CELF2: variants seen among roughly 807,000 people sequenced by gnomAD.
The protein encoded by CELF2 is CUGBP Elav-like family member 2, also known as CUG triplet repeat RNA-binding protein 2.
In CELF2, 8 loss-of-function variants were observed where a neutral mutation model predicts 62.6. That is an observed-to-expected ratio of 0.13 (90% CI 0.07 to 0.23). The LOEUF is 0.23. Among genes scored for constraint, CELF2 ranks in the 10% least tolerant of loss-of-function variants. The pLI is 1.00. For synonymous variants in CELF2, 258 were observed against 250.0 expected (o/e 1.03, Z -0.30); for missense variants, 333 against 671.0 (o/e 0.50, Z 5.56).
In CELF2 at chr10:11,319,486, T is replaced by C. The variant is rs1280907367; in HGVS notation, c.1097-1703T>C. 6.6e-6 allele frequency among the ~76,000 whole-genome samples: 1 copy of C among 152,086 alleles called. No individual in the cohort carries two copies. Among genetic ancestry groups the C allele is most frequent in the African/African-American group, 2.4e-5 (1 of 41,392 alleles). On this transcript the variant is annotated intron_variant, in intron 10 of 12. Coordinates refer to ENST00000633077, the MANE Select transcript of CELF2 (RefSeq NM_001326342.2). This position sits in a 1 kb window ranked among gnomAD's most constrained non-coding sequence, Gnocchi z 4.4. ...GGATCATTTAGGGTAATTAGGACAG[T>C]CTGCATCCAAGCTCTTTGGACAGCA...
chr10:10,472,498 A>G, the CELF2 span, among the ~76,000 whole-genome samples: 1 of 151,924 alleles, frequency 6.6e-6, no homozygotes, highest in Non-Finnish European at 1.5e-5. Flanking sequence ...TTATTTGAAC[A>G]TACTTAAAAT....
At chr10:11,065,867 T>C (rs544810652) in intron 1 of CELF2, among the ~76,000 whole-genome samples, 1 of 152,116 alleles carries the variant, frequency 6.6e-6, no homozygotes, top group East Asian at 1.9e-4. Flanking sequence ...CAGTTTTAAA[T>C]AGGGTATCAG....
At chr10:10,683,607 G>GA in the CELF2 span, among the ~76,000 whole-genome samples, 1 of 152,158 alleles carries the variant, frequency 6.6e-6, no homozygotes, top group Non-Finnish European at 1.5e-5. Flanking sequence ...AATAATAATG[G>GA]AAAATACCTT....
rs56837244 is a variant in CELF2, at chr10:11,079,982, G to A, written c.74+61819G>A. Among the ~76,000 whole-genome samples the A allele has an allele frequency of 7.4e-3, 1,127 of 152,208 alleles. 9 individuals are homozygous for A. The highest frequency in any genetic ancestry group is 0.025 in the African/African-American group (1,027 of 41,520). ...TATAGCGCTAAGAAAAAAATGAAAT[G>A]GAACCATCCAGATTATAAACTGTTG... On this transcript the variant is annotated intron_variant, in intron 1 of 12. Coordinates refer to ENST00000633077, the MANE Select transcript of CELF2 (RefSeq NM_001326342.2).
chr10:10,463,435 T>C, the CELF2 span, among the ~76,000 whole-genome samples: 233 of 152,318 alleles, frequency 1.5e-3, 2 homozygotes, highest in African/African-American at 5.5e-3. Flanking sequence ...CCGTTGGCTA[T>C]AAGATAAAGT....
At chr10:10,680,991 A>G in the CELF2 span, among the ~76,000 whole-genome samples, 1 of 152,224 alleles carries the variant, frequency 6.6e-6, no homozygotes, top group Non-Finnish European at 1.5e-5. Context: ...CCTCATGTAA[A>G]TAATAATTAG....
At chr10:10,548,945 C>T in the CELF2 span, among the ~76,000 whole-genome samples, 13 of 152,120 alleles carry the variant, frequency 8.5e-5, no homozygotes, top group African/African-American at 2.4e-4. Context: ...GGTACCTGTA[C>T]TGAGGGTTAA....
the CELF2 span, among the ~76,000 whole-genome samples, chr10:10,538,308 C>A: frequency 0.017 from 2,664 of 152,280 alleles, 76 homozygotes; most frequent in African/African-American, 0.06. Context: ...AACTGGAAAC[C>A]ATAGGGCAAG....
the CELF2 span, among the ~76,000 whole-genome samples, chr10:10,632,458 C>G: frequency 6.6e-6 from 1 of 151,952 alleles, no homozygotes; most frequent in Non-Finnish European, 1.5e-5. Flanking sequence ...CACACACACA[C>G]GTATAAGCTT....
chr10:11,033,069 G>A (rs972040549), intron 1 of CELF2, among the ~76,000 whole-genome samples: 3 of 152,170 alleles, frequency 2.0e-5, no homozygotes, highest in African/African-American at 7.2e-5. Context: ...GCATCGACAA[G>A]GGTGTTTTCA....
Position 11,207,091 on chromosome 10 carries a change from C to G in CELF2, c.272-10334C>G, listed in dbSNP as rs1470829750. Among the ~76,000 whole-genome samples, 2 of 152,212 alleles carry G rather than the reference C, an allele frequency of 1.3e-5. No homozygotes were observed. Among genetic ancestry groups the G allele is most frequent in the African/African-American group, 4.8e-5 (2 of 41,454 alleles). On this transcript the variant is annotated intron_variant, in intron 2 of 12. Transcript: ENST00000633077. The surrounding 1 kb of genome is among the most constrained non-coding windows in gnomAD (Gnocchi z 4.1). ...AGAGAAGGGGAAAAGCACATTCCAG[C>G]AATTTTGCCCTTGTTACCTTTTCTA...
intron 1 of CELF2, among the ~76,000 whole-genome samples, chr10:10,842,586 A>G (rs1016902731): frequency 1.3e-5 from 2 of 152,042 alleles, no homozygotes; most frequent in East Asian, 3.8e-4. Flanking sequence ...GATATAGTAG[A>G]TTACATTAAT....
chr10:11,298,485 CA>C (rs1244135538), intron 9 of CELF2, among the ~76,000 whole-genome samples: 9 of 152,188 alleles, frequency 5.9e-5, no homozygotes, highest in Admixed American at 5.9e-4. Flanking sequence ...GGGCTAGAAA[CA>C]AAAACTCATG....
intron 1 of CELF2, among the ~76,000 whole-genome samples, chr10:11,062,924 A>G (rs969198054): frequency 2.0e-5 from 2 of 101,324 alleles, no homozygotes; most frequent in African/African-American, 1.1e-4. Context: ...AGAGATTGCC[A>G]CATCCTTCAG....
chr10:10,951,937 C>A (rs2048364914), intron 2 of CELF2: 1 of 152,356 alleles, frequency 6.6e-6, no homozygotes, highest in Non-Finnish European at 1.5e-5. Flanking sequence ...CCTACACTGA[C>A]CAATGGCTCC....
At chr10:11,096,113 A>G (rs1736359764) in intron 1 of CELF2, among the ~76,000 whole-genome samples, 2 of 152,216 alleles carry the variant, frequency 1.3e-5, no homozygotes, top group South Asian at 4.1e-4. Context: ...TTTGAAGCGC[A>G]TTATGCACCA....
chr10:10,790,981 T>C, the CELF2 span, among the ~76,000 whole-genome samples: 6 of 152,162 alleles, frequency 3.9e-5, no homozygotes. Context: ...TTTCCTCACC[T>C]ATAAAATGAA....
chr10:11,299,685 A>G (rs777203517), intron 9 of CELF2, among the ~76,000 whole-genome samples: 2 of 152,128 alleles, frequency 1.3e-5, no homozygotes, highest in Non-Finnish European at 2.9e-5. Flanking sequence ...GATGTTAGTG[A>G]CAGGTGAAAT....
chr10:10,772,841 A>G, the CELF2 span, among the ~76,000 whole-genome samples: 2 of 141,026 alleles, frequency 1.4e-5, no homozygotes, highest in Non-Finnish European at 3.0e-5. Context: ...GTAAAAAGAA[A>G]ACTCACTATT....
Sources: gnomAD v4.1 joint callset for allele counts (sites outside exome capture counted in the v4.1 genomes callset) on GRCh38, gnomAD v4.1.1 for gene constraint, Gnocchi (gnomAD v3.1) non-coding constraint, MANE v1.5 for transcripts, NCBI Gene and HGNC (gene_info 2026-07-23, HGNC 2026-07-21) for gene names.